SENP5: variants seen among roughly 807,000 people sequenced by gnomAD.
The protein encoded by SENP5 is SUMO specific peptidase 5, also known as sentrin-specific protease 5.
A neutral mutation model predicts 74.2 loss-of-function variants in SENP5; 21 were observed. That is an observed-to-expected ratio of 0.28 (90% CI 0.20 to 0.41). The LOEUF (loss-of-function observed/expected upper bound fraction) is 0.41. SENP5 is among the 10% of genes least tolerant of loss of function. The probability of loss-of-function intolerance (pLI) is 1.00; values close to 1 mark genes in which losing one functional copy is unlikely to be tolerated. For missense variants in SENP5, 717 were observed against 889.1 expected (o/e 0.81, Z 2.46); for synonymous variants, 311 against 312.7 (o/e 0.99, Z 0.06).
chr3:196,916,527 CTT>C (rs36159681), intron 6 of SENP5, among the ~76,000 whole-genome samples: 19 of 143,342 alleles, frequency 1.3e-4, no homozygotes, highest in Non-Finnish European at 1.1e-4. Context: ...AAGAGATTGA[CTT>C]TTTTTTTTTT....
At chr3:196,917,107 C>G (rs1439071123) in intron 6 of SENP5, among the ~76,000 whole-genome samples, 3 of 152,040 alleles carry the variant, frequency 2.0e-5, no homozygotes, top group African/African-American at 7.2e-5. Flanking sequence ...GCACTCCAGC[C>G]TGGGCAACAG....
intron 1 of SENP5, among the ~76,000 whole-genome samples, chr3:196,881,643 T>C (rs1713728824): frequency 6.6e-6 from 1 of 152,174 alleles, no homozygotes; most frequent in Admixed American, 6.5e-5. Context: ...AAGAGGTCTA[T>C]ATATTAGGGA....
chr3:196,908,517 T>C lies in SENP5; in HGVS notation c.1884+4907T>C, dbSNP rs1232196674. On this transcript the variant is annotated intron_variant, in intron 6 of 9. Transcript: ENST00000323460. ...AAGATCTCAGATCAACATCCTGACA[T>C]CACAATTAAAAGAACTAGAGAAGCG... 2.0e-5 allele frequency among the ~76,000 whole-genome samples: 3 copies of C among 152,086 alleles called. No homozygotes were observed. In the East Asian group the frequency reaches 5.8e-4, roughly 29 times the overall value.
chr3:196,912,725 G>A (rs1317621955), intron 6 of SENP5: 3 of 152,052 alleles, frequency 2.0e-5, no homozygotes, highest in Non-Finnish European at 2.9e-5. Flanking sequence ...AAGGTACTAG[G>A]CAGCTGGGCG....
intron 6 of SENP5, among the ~76,000 whole-genome samples, chr3:196,909,430 T>C (rs566909728): frequency 2.0e-5 from 3 of 152,230 alleles, no homozygotes; most frequent in Non-Finnish European, 2.9e-5. Flanking sequence ...GGCATCATCC[T>C]GATACCAAAA....
At chr3:196,876,496 C>G (rs564439743) in intron 1 of SENP5, among the ~76,000 whole-genome samples, 13 of 136,242 alleles carry the variant, frequency 9.5e-5, no homozygotes, top group African/African-American at 3.6e-4. Context: ...CCAGCCTGGG[C>G]GACAGAGCGA....
chr3:196,883,166 T>C lies in SENP5; in HGVS notation c.-31-1985T>C, dbSNP rs530419222. On this transcript the variant is annotated intron_variant, in intron 1 of 9. Coordinates refer to ENST00000323460, the MANE Select transcript of SENP5 (RefSeq NM_152699.5). ...CACTATTTTATCTAAAGGATAAACT[T>C]CCAATCTTGGGTGGGGGAGGGTCAC... 2.6e-5 allele frequency among the ~76,000 whole-genome samples: 4 copies of C among 152,188 alleles called. No individual in the cohort carries two copies. The South Asian group carries it at 8.3e-4, about 32-fold the overall frequency.
At chr3:196,890,739 G>A (rs773390419) in intron 2 of SENP5, among the ~76,000 whole-genome samples, 12 of 152,278 alleles carry the variant, frequency 7.9e-5, no homozygotes, top group Non-Finnish European at 1.5e-4. Context: ...GAAGAAATTA[G>A]GAATGTTTTC....
intron 6 of SENP5, among the ~76,000 whole-genome samples, chr3:196,910,071 T>C (rs977743153): frequency 3.9e-5 from 6 of 151,932 alleles, no homozygotes; most frequent in East Asian, 1.9e-4. Context: ...ACAAAATCAA[T>C]GTGCAGAAAT....
intron 6 of SENP5, 42 bp downstream of exon 6, chr3:196,903,652 G>T (rs776087895): frequency 8.0e-7 from 1 of 1,250,054 alleles, no homozygotes; most frequent in Non-Finnish European, 1.1e-6. Flanking sequence ...TTGAAACGCA[G>T]ATGATAAACC....
At chr3:196,885,019 C>T (rs553827927) in intron 1 of SENP5, 132 bp from the exon 2 acceptor site, 91 of 579,482 alleles carry the variant, frequency 1.6e-4, no homozygotes, top group Non-Finnish European at 2.6e-4. Context: ...GATAAGATTT[C>T]ATTGTGTCCA....
chr3:196,899,823 T>C (rs1370042688), intron 3 of SENP5, 52 bp downstream of exon 3: 3 of 1,564,992 alleles, frequency 1.9e-6, no homozygotes, highest in Admixed American at 1.8e-5. Context: ...TTTTGGCATA[T>C]ATGACTTTTC....
At chr3:196,908,355 G>T (rs944296124) in intron 6 of SENP5, among the ~76,000 whole-genome samples, 8 of 152,132 alleles carry the variant, frequency 5.3e-5, no homozygotes, top group African/African-American at 1.2e-4. Context: ...GGTAAATAAA[G>T]AAATTAAGGC....
Position 196,885,485 on chromosome 3 carries a change from A to G in SENP5, c.304A>G (p.Lys102Glu), listed in dbSNP as rs775082956. The change falls in exon 2 of 10, where the codon AAA becomes GAA. Residue 102 changes from lysine (K) to glutamate (E), a missense_variant. Physicochemically the swap from Lys to Glu is moderately conservative, Grantham distance 56. Transcript: ENST00000323460. ...LSSKVKRKDA[K>E]HFISSSKTLL... ...CTCTAAAGTGAAAAGAAAGGACGCT[A>G]AACACTTCATTTCCTCCTCAAAGAC... is the stretch of plus-strand genomic sequence containing the variant. 13 of 1,614,036 alleles carry G rather than the reference A, an allele frequency of 8.1e-6. No homozygotes were observed. The highest frequency in any genetic ancestry group is 3.3e-4 in the Middle Eastern group (2 of 6,084).
intron 2 of SENP5, among the ~76,000 whole-genome samples, chr3:196,888,615 G>C (rs756547079): frequency 3.3e-5 from 5 of 151,472 alleles, no homozygotes; most frequent in Non-Finnish European, 7.4e-5. Context: ...AGTGAAAACA[G>C]TAAGTTGCAA....
At chr3:196,927,104 T>A (rs1240925229) in intron 7 of SENP5, among the ~76,000 whole-genome samples, 2 of 152,170 alleles carry the variant, frequency 1.3e-5, no homozygotes, top group Non-Finnish European at 2.9e-5. Context: ...CTTGAGCATA[T>A]TTAGTATTCA....
At position 196,931,965 on chromosome 3, in the gene SENP5, C is replaced by G. The variant is rs1396987435; in HGVS notation, c.*1042C>G. 2.2e-6 allele frequency: 1 copy of G among 447,876 alleles called. No homozygotes were observed. Among genetic ancestry groups the G allele is most frequent in the Non-Finnish European group, 4.5e-6 (1 of 223,792 alleles). 27.7% of individuals were successfully genotyped at this position (447,876 alleles called of 1,614,324 possible). On this transcript the variant is annotated 3_prime_UTR_variant, in exon 10 of 10. Transcript: ENST00000323460. ...TAGAGACAACTTAGTCCCATGGGAG[C>G]GCAGCAACCGTGTCAGGTTCTTTCT...
chr3:196,921,203 A>C (rs1715608136), intron 6 of SENP5, among the ~76,000 whole-genome samples: 1 of 152,200 alleles, frequency 6.6e-6, no homozygotes, highest in Non-Finnish European at 1.5e-5. Context: ...TTTCATATTC[A>C]CCTTAGATGC....
Position 196,930,978 on chromosome 3 carries a change from T to G in SENP5, c.*55T>G. The G allele has an allele frequency of 2.7e-6, 3 of 1,101,668 alleles. No homozygotes were observed. The highest frequency in any genetic ancestry group is 4.2e-6 in the Non-Finnish European group (3 of 715,124). 68.2% of individuals were successfully genotyped at this position (1,101,668 alleles called of 1,614,324 possible). On this transcript the variant is annotated 3_prime_UTR_variant, in exon 10 of 10. Transcript: ENST00000323460. Reference sequence around the variant, plus strand: ...CAAGTTGGAGCAGATGGTTTGTTACTTGAATCTCCAAACACTTAGTTGAAT... The same window carrying G: ...CAAGTTGGAGCAGATGGTTTGTTACGTGAATCTCCAAACACTTAGTTGAAT...
Sources: allele counts gnomAD v4.1 joint callset (sites outside exome capture counted in the v4.1 genomes callset), GRCh38; gene constraint gnomAD v4.1.1; transcripts MANE v1.5; gene names NCBI Gene and HGNC (gene_info 2026-07-23, HGNC 2026-07-21).